Variants in INPP5E observed in about 807,000 individuals in gnomAD.
The protein encoded by INPP5E is inositol polyphosphate-5-phosphatase E, also known as phosphatidylinositol polyphosphate 5-phosphatase type IV.
A neutral mutation model predicts 50.5 loss-of-function variants in INPP5E; 34 were observed. That is an observed-to-expected ratio of 0.67 (90% confidence interval 0.51 to 0.90). INPP5E has a LOEUF of 0.90. INPP5E is among the 40% of genes least tolerant of loss of function. The pLI, the probability that INPP5E is intolerant of heterozygous loss-of-function variation, is 0.00. For synonymous variants in INPP5E, 447 were observed against 406.0 expected (o/e 1.10, Z -1.21); for missense variants, 942 against 905.5 (o/e 1.04, Z -0.52).
intron 6 of INPP5E, among the ~76,000 whole-genome samples, chr9:136,432,235 C>T (rs183054990): frequency 8.5e-5 from 13 of 152,284 alleles, no homozygotes; most frequent in African/African-American, 1.2e-4. Context: ...CCAGGGGAGG[C>T]GGCGGGGCGG....
At chr9:136,438,265 TAACA>T (rs1443738310) in intron 1 of INPP5E, 2 of 337,728 alleles carry the variant, frequency 5.9e-6, no homozygotes, top group Non-Finnish European at 1.1e-5. Context: ...ACAGAGAGAG[TAACA>T]AACAAAAACA....
In INPP5E at chr9:136,438,684, C is replaced by A; in HGVS notation, c.736G>T (p.Asp246Tyr). The A allele has an allele frequency of 6.3e-7, 1 of 1,597,420 alleles. No individual in the cohort carries two copies. Among genetic ancestry groups the A allele is most frequent in the Non-Finnish European group, 8.5e-7 (1 of 1,172,502 alleles). Residue 246 changes from aspartate to tyrosine, a missense_variant, in exon 1 of 10, where the codon GAC becomes TAC. Coordinates refer to ENST00000371712, the MANE Select transcript of INPP5E (RefSeq NM_019892.6). ...TTGGCCGAGCGAAGGGAACAGTCGT[C>A]GCAGGCCAGGGGGCTCCGCGGCCGG... The part of the protein sequence containing the change: ...PGRPRSPLAC[D>Y]DCSLRSAKSS...
chr9:136,432,891 G>T, intron 5 of INPP5E, 65 bp downstream of exon 5: 1 of 1,580,844 alleles, frequency 6.3e-7, no homozygotes, highest in Non-Finnish European at 8.6e-7. Context: ...CCTTGGACAG[G>T]GTCCCGGTCA....
At chr9:136,437,240 G>C (rs910069133) in intron 1 of INPP5E, 1 of 152,276 alleles carries the variant, frequency 6.6e-6, no homozygotes, top group Admixed American at 6.5e-5. Context: ...TTCGGGGACT[G>C]TGGTGAGCTG....
rs565245072 is a variant in INPP5E, at chr9:136,433,826, C to A, written c.1034+211G>T. ...CCGGCCGCCACCCGGGTCTCAGCGC[C>A]CAGCAGCTTCAGAGACGGCAGCCCC... On this transcript the variant is annotated intron_variant, in intron 3 of 9. Transcript: ENST00000371712. 5.3e-5 allele frequency among the ~76,000 whole-genome samples: 8 copies of A among 152,336 alleles called. No homozygotes were observed. In the East Asian group the frequency reaches 1.2e-3, roughly 22 times the overall value.
chr9:136,439,121 T>C lies in INPP5E; in HGVS notation c.299A>G (p.Gln100Arg). 1 of 1,585,054 alleles carries C rather than the reference T, an allele frequency of 6.3e-7. No individual in the cohort carries two copies. Among genetic ancestry groups the C allele is most frequent in the Admixed American group, 1.7e-5 (1 of 57,294 alleles). The change falls in exon 1 of 10, where the codon CAG becomes CGG. Residue 100 changes from glutamine (Q) to arginine (R), a missense_variant. Coordinates refer to ENST00000371712, the MANE Select transcript of INPP5E (RefSeq NM_019892.6). ...GWRRRRFRGS[Q>R]EDLEARNGTS... ...CCCATTCCGGGCTTCCAGGTCCTCC[T>C]GGCTGCCTCGAAAACGCCTCCTCCT...
In INPP5E at chr9:136,432,978, G is replaced by T; in HGVS notation, c.1257C>A (p.Leu419=). 1 of 1,613,436 alleles carries T rather than the reference G, an allele frequency of 6.2e-7. No homozygotes were observed. The highest frequency in any genetic ancestry group is 1.1e-5 in the South Asian group (1 of 91,024). ...TACAGGTGAAGTGGGACGTGATGAA[G>T]AGGAAGGAAGTGCCAAAAAAGGTGA... ...ISFTFFGTSF[L]FITSHFTSGD... The change falls in exon 5 of 10, where the codon CTC becomes CTA. Residue 419 remains leucine, a synonymous_variant. Transcript: ENST00000371712.
Position 136,438,984 on chromosome 9 carries a change from C to A in INPP5E, c.436G>T (p.Val146Phe). Residue 146 changes from valine to phenylalanine, a missense_variant, in exon 1 of 10, where the codon GTC becomes TTC. Transcript: ENST00000371712. ...SLQEIPKSRG[V>F]LSSERGSPSS... ...GGGCTCCCTCTCTCACTGCTCAGGA[C>A]CCCGCGGGACTTGGGGATTTCCTGC... 1 of 1,583,850 alleles carries A rather than the reference C, an allele frequency of 6.3e-7. No homozygotes were observed. The highest frequency in any genetic ancestry group is 1.1e-5 in the South Asian group (1 of 87,272).
At chr9:136,438,518 C>T (rs1835887415) in intron 1 of INPP5E, 90 bp downstream of exon 1, 19 of 1,177,680 alleles carry the variant, frequency 1.6e-5, no homozygotes, top group Non-Finnish European at 2.3e-5. Flanking sequence ...ATCTTAAACG[C>T]TGCTGATGGG....
At position 136,439,435 on chromosome 9, in the gene INPP5E, G is replaced by T. The variant is rs1354828597; in HGVS notation, c.-16C>A. On this transcript the variant is annotated 5_prime_UTR_variant, in exon 1 of 10. Coordinates refer to ENST00000371712, the MANE Select transcript of INPP5E (RefSeq NM_019892.6). ...TGGACGGCATGGACGGTCTCTCCCG[G>T]GGCAGGCCTCGGCGCGAGGCCGCAG... 6.9e-7 allele frequency: 1 copy of T among 1,446,676 alleles called. No homozygotes were observed. Among genetic ancestry groups the T allele is most frequent in the Non-Finnish European group, 9.1e-7 (1 of 1,103,572 alleles). The allele number at this position is 1,446,676 out of a possible 1,614,324, so 89.6% of individuals were successfully genotyped here. A position where few individuals can be genotyped will look rare whatever the true frequency, so the allele number is the denominator to read the frequency against.
chr9:136,433,397 G>A (rs1835759547), intron 3 of INPP5E, 118 bp from the exon 4 acceptor site: 7 of 1,410,936 alleles, frequency 5.0e-6, no homozygotes, highest in Non-Finnish European at 6.6e-6. Context: ...CCTGGCCTTG[G>A]TGTCTTGCGC....
Position 136,432,691 on chromosome 9 carries a change from C to T in INPP5E, c.1280-105G>A, listed in dbSNP as rs35531907. On this transcript the variant is annotated intron_variant, in intron 5 of 9. Transcript: ENST00000371712. ...GCCCTGACTGCGCACCCCCGGCAGA[C>T]GCAACCCCACCGGGCATCCGCTGCC... 0.24 allele frequency: 221,156 copies of T among 930,546 alleles called. 28,668 individuals carry two copies. Among genetic ancestry groups the T allele is most frequent in the Non-Finnish European group, 0.27 (162,063 of 593,562 alleles). The allele number at this position is 930,546 out of a possible 1,614,324, so 57.6% of individuals were successfully genotyped here. A position where few individuals can be genotyped will look rare whatever the true frequency, so the allele number is the denominator to read the frequency against.
intron 3 of INPP5E, 91 bp from the exon 4 acceptor site, chr9:136,433,370 C>T (rs2131609513): frequency 2.0e-6 from 3 of 1,473,222 alleles, no homozygotes; most frequent in Non-Finnish European, 2.7e-6. Context: ...CGAGGAGCTA[C>T]CAGGGAAACC....
chr9:136,433,174 G>A lies in INPP5E; in HGVS notation c.1140C>T (p.Asp380=), dbSNP rs1217714460. The A allele has an allele frequency of 7.7e-7, 1 of 1,300,848 alleles. No individual in the cohort carries two copies. Among genetic ancestry groups the A allele is most frequent in the Non-Finnish European group, 1.1e-6 (1 of 944,022 alleles). 80.6% of individuals were successfully genotyped at this position (1,300,848 alleles called of 1,614,324 possible). The change falls in exon 4 of 10, where the codon GAC becomes GAT. Residue 380 remains aspartate (D), a synonymous_variant. Coordinates refer to ENST00000371712, the MANE Select transcript of INPP5E (RefSeq NM_019892.6). The stretch of plus-strand genomic sequence containing the variant: ...GCCCACCTGAGCAGAACCAGATGAG[G>A]TCCCTGCGGATGAAGAGCGACATGT... ...VLYMSLFIRR[D]LIWFCSEVEC...
At chr9:136,430,483 T>TC in intron 8 of INPP5E, 70 bp from the exon 9 acceptor site, 1 of 1,529,394 alleles carries the variant, frequency 6.5e-7, no homozygotes, top group Non-Finnish European at 8.8e-7. Context: ...CCCGCTCACC[T>TC]CCCTGCTGTT....
rs1295096267 is a variant in INPP5E, at chr9:136,439,079, C to T, written c.341G>A (p.Gly114Asp). 8 of 1,571,576 alleles carry T rather than the reference C, an allele frequency of 5.1e-6. No individual in the cohort carries two copies. In the Admixed American group the frequency reaches 7.4e-5, roughly 14 times the overall value. Residue 114 changes from glycine to aspartate, a missense_variant, in exon 1 of 10, where the codon GGC (glycine) becomes GAC (aspartate). Physicochemically the swap from Gly to Asp is moderately conservative, Grantham distance 94 (BLOSUM62 -1). Transcript: ENST00000371712. ...CCCGGGGCCCTCGCTCTGCACTGAG[C>T]CCCTGGAGGGACTGGTCCCATTCCG... The part of the protein sequence containing the change: ...EARNGTSPSR[G>D]SVQSEGPGAP...
rs377154166 is a variant in INPP5E at position 136,439,300 on chromosome 9, G to C, written c.120C>G (p.Pro40=). 8 of 1,410,462 alleles carry C rather than the reference G, an allele frequency of 5.7e-6. No individual in the cohort carries two copies. The highest frequency in any genetic ancestry group is 6.4e-6 in the Non-Finnish European group (7 of 1,092,610). The allele number at this position is 1,410,462 out of a possible 1,614,324, so 87.4% of individuals were successfully genotyped here. The part of the protein sequence containing the change: ...APPAQRAGSP[P]DAPGSESPAL... ...CGGGGCTCTCGGAGCCCGGAGCATC[G>C]GGTGGGGACCCCGCGCGCTGGGCCG... The change falls in exon 1 of 10, where the codon CCC becomes CCG. Residue 40 remains proline (P), a synonymous_variant. Transcript: ENST00000371712.
chr9:136,436,327 C>A (rs1483711001), intron 1 of INPP5E: 1 of 152,450 alleles, frequency 6.6e-6, no homozygotes, highest in Non-Finnish European at 1.5e-5. Flanking sequence ...CCCACGGCCC[C>A]TTTGCCGGCA....
rs1175962503 is a variant in INPP5E, at chr9:136,434,837, G to T, written c.839C>A (p.Ala280Asp). The T allele has an allele frequency of 4.3e-6, 7 of 1,610,764 alleles. No individual in the cohort carries two copies. In the East Asian group the frequency reaches 1.6e-4, roughly 36 times the overall value. ...ATCCGCCCCCAACAGGGCCCCGCTG[G>T]CCAGGAGGCTGCCCTCCAGGTAACT... ...SRSYLEGSLLASGALLGADEL... is the reference protein window; with the variant it reads ...SRSYLEGSLLDSGALLGADEL... The change falls in exon 2 of 10, where the codon GCC becomes GAC. Residue 280 changes from alanine (A) to aspartate (D), a missense_variant. Coordinates refer to ENST00000371712, the MANE Select transcript of INPP5E (RefSeq NM_019892.6).
Sources: allele counts gnomAD v4.1 joint callset (sites outside exome capture counted in the v4.1 genomes callset), GRCh38; gene constraint gnomAD v4.1.1; transcripts MANE v1.5; gene names NCBI Gene and HGNC (gene_info 2026-07-23, HGNC 2026-07-21).